Variants in CRB1 observed in about 807,000 individuals in gnomAD.
CRB1 encodes protein crumbs homolog 1.
Under a neutral mutation model 120.0 loss-of-function variants are expected in CRB1, and 83 were observed. The observed-to-expected ratio is 0.69, with a 90% confidence interval of 0.58 to 0.83. CRB1 has a LOEUF of 0.83. Ranked by LOEUF, CRB1 falls within the 40% of genes least tolerant of loss-of-function variation. The probability of loss-of-function intolerance (pLI) is 0.00; values close to 1 mark genes in which losing one functional copy is unlikely to be tolerated. For synonymous variants in CRB1, 625 were observed against 612.5 expected, an observed-to-expected ratio of 1.02 and a Z score of -0.30; for missense variants, 1,699 against 1,687.6, an observed-to-expected ratio of 1.01 and a Z score of -0.12.
chr1:197,347,448 T>G lies in CRB1; in HGVS notation c.957T>G (p.Ser319Arg). The G allele has an allele frequency of 6.2e-7, 1 of 1,614,160 alleles. No individual in the cohort carries two copies. The highest frequency in any genetic ancestry group is 8.5e-7 in the Non-Finnish European group (1 of 1,179,978). ...PCHNNATCED[S>R]VDNYTCHCWP... ...ACAATAATGCTACATGTGAGGACAGTGTTGACAATTACACTTGTCACTGCT... is the reference window on the plus strand; with the variant it reads ...ACAATAATGCTACATGTGAGGACAGGGTTGACAATTACACTTGTCACTGCT... Residue 319 changes from serine to arginine, a missense_variant, in exon 4 of 12, where the codon AGT (serine) becomes AGG (arginine). Ser to Arg is a moderately radical substitution (Grantham distance 110). Transcript: ENST00000367400.
At chr1:197,253,824 T>C in the CRB1 span, among the ~76,000 whole-genome samples, 1 of 152,098 alleles carries the variant, frequency 6.6e-6, no homozygotes, top group African/African-American at 2.4e-5. Flanking sequence ...TATCAAGGTT[T>C]TAAGGAAATA....
At chr1:197,373,667 A>AG (rs765841939) in intron 5 of CRB1, among the ~76,000 whole-genome samples, 4 of 152,214 alleles carry the variant, frequency 2.6e-5, no homozygotes, top group Non-Finnish European at 4.4e-5. Context: ...GAGGCAAAGA[A>AG]GGTAGATACA....
rs1454506368 is a variant in CRB1, at chr1:197,335,354, CT to C, written c.652+6352del. Among the ~76,000 whole-genome samples the C allele has an allele frequency of 8.5e-4, 129 of 152,236 alleles. 1 individual carries two copies. The highest frequency in any genetic ancestry group is 1.9e-4 in the Non-Finnish European group (13 of 68,026). On this transcript the variant is annotated intron_variant, in intron 2 of 11. Transcript: ENST00000367400. ...TGACTTACATTTTAACAAGGTCACT[CT>C]GCTTATTATGTTGAAGATACACTGC...
chr1:197,465,163 G>A (rs994953808), intron 11 of CRB1, among the ~76,000 whole-genome samples: 1 of 152,226 alleles, frequency 6.6e-6, no homozygotes, highest in East Asian at 1.9e-4. Flanking sequence ...TTTATAGCAG[G>A]TTATTAAATT....
intron 1 of CRB1, among the ~76,000 whole-genome samples, chr1:197,319,639 C>T (rs1658072966): frequency 6.6e-6 from 1 of 151,982 alleles, no homozygotes; most frequent in East Asian, 1.9e-4. Context: ...CAGTTTATTG[C>T]TTGTAATGTG....
chr1:197,298,961 T>G (rs1656704744), intron 1 of CRB1, among the ~76,000 whole-genome samples: 1 of 152,160 alleles, frequency 6.6e-6, no homozygotes, highest in Non-Finnish European at 1.5e-5. Flanking sequence ...AGGAATACAT[T>G]TATTTAAGAC....
intron 5 of CRB1, among the ~76,000 whole-genome samples, chr1:197,418,564 G>A (rs1237039366): frequency 6.6e-6 from 1 of 152,148 alleles, no homozygotes; most frequent in Non-Finnish European, 1.5e-5. Flanking sequence ...AAGTACAGTA[G>A]AGTCCAATCA....
At chr1:197,259,385 G>T in the CRB1 span, among the ~76,000 whole-genome samples, 1 of 152,218 alleles carries the variant, frequency 6.6e-6, no homozygotes, top group African/African-American at 2.4e-5. Context: ...GCAGGGACAT[G>T]GATAAAGCTT....
At position 197,434,794 on chromosome 1, in the gene CRB1, A is replaced by G. The variant is rs764177876; in HGVS notation, c.2931A>G (p.Thr977=). 5 of 1,613,558 alleles carry G rather than the reference A, an allele frequency of 3.1e-6. No homozygotes were observed. The Admixed American group carries it at 8.3e-5, about 27-fold the overall frequency. Residue 977 remains threonine, a synonymous_variant, in exon 9 of 12, where the codon ACA becomes ACG. Transcript: ENST00000367400. ...TTACCAGAGAACTCACCAATATCAC[A>G]TTTGGTTTCAGAACAAGGGATGCAA... ...GNITRELTNI[T]FGFRTRDANV...
chr1:197,477,951 C>T lies in CRB1; in HGVS notation c.*72C>T. 1 of 1,378,142 alleles carries T rather than the reference C, an allele frequency of 7.3e-7. No individual in the cohort carries two copies. The highest frequency in any genetic ancestry group is 1.0e-6 in the Non-Finnish European group (1 of 965,896). The allele number at this position is 1,378,142 out of a possible 1,614,324, so 85.4% of individuals were successfully genotyped here. ...ATGACTGTACTTCAGGTATCTCTGACATACCTGACAATGTTAATCTGCAAC... is the reference window on the plus strand; with the variant it reads ...ATGACTGTACTTCAGGTATCTCTGATATACCTGACAATGTTAATCTGCAAC... On this transcript the variant is annotated 3_prime_UTR_variant, in exon 12 of 12. Transcript: ENST00000367400.
intron 5 of CRB1, among the ~76,000 whole-genome samples, chr1:197,376,688 C>A (rs1661664862): frequency 6.6e-6 from 1 of 152,186 alleles, no homozygotes; most frequent in Admixed American, 6.5e-5. Context: ...ACTTCAATAG[C>A]CTAATGTTTT....
chr1:197,306,119 G>A (rs926029890), intron 1 of CRB1, among the ~76,000 whole-genome samples: 2 of 152,102 alleles, frequency 1.3e-5, no homozygotes, highest in African/African-American at 4.8e-5. Context: ...TCAGATCCAG[G>A]AAAGGAAGCA....
intron 1 of CRB1, among the ~76,000 whole-genome samples, chr1:197,301,990 C>G (rs1225990459): frequency 6.6e-6 from 1 of 151,986 alleles, no homozygotes; most frequent in Non-Finnish European, 1.5e-5. Flanking sequence ...ACTCATAAAA[C>G]AGCAATGAGG....
intron 1 of CRB1, among the ~76,000 whole-genome samples, chr1:197,307,241 G>A (rs1371160120): frequency 1.3e-5 from 2 of 152,130 alleles, no homozygotes; most frequent in Non-Finnish European, 2.9e-5. Context: ...AGCTTCAGAT[G>A]TATTTCTAAG....
chr1:197,460,689 A>AT (rs1341130194), intron 11 of CRB1, among the ~76,000 whole-genome samples: 1 of 151,858 alleles, frequency 6.6e-6, no homozygotes, highest in Non-Finnish European at 1.5e-5. Context: ...TCAAATCCTC[A>AT]TTTTTTTCTC....
chr1:197,274,309 G>A (rs1013308574), intron 1 of CRB1, among the ~76,000 whole-genome samples: 4 of 152,068 alleles, frequency 2.6e-5, no homozygotes, highest in African/African-American at 9.7e-5. Flanking sequence ...GTTTCATTTT[G>A]TTTTTAGTTT....
chr1:197,419,394 G>A (rs772886627), intron 5 of CRB1, among the ~76,000 whole-genome samples: 3 of 147,082 alleles, frequency 2.0e-5, no homozygotes, highest in Non-Finnish European at 3.0e-5. Flanking sequence ...CAAGAGTCTC[G>A]CTTTGTTGCC....
intron 1 of CRB1, among the ~76,000 whole-genome samples, chr1:197,291,225 G>T (rs1187522900): frequency 1.3e-5 from 2 of 151,744 alleles, no homozygotes; most frequent in South Asian, 2.1e-4. Context: ...TTTAAATAAA[G>T]ATGTTAATAA....
chr1:197,213,878 CA>C, the CRB1 span, among the ~76,000 whole-genome samples: 5 of 151,906 alleles, frequency 3.3e-5, no homozygotes, highest in Non-Finnish European at 5.9e-5. Context: ...CAGAATACAG[CA>C]AAAGCAGTTC....
Sources: gnomAD v4.1 joint callset for allele counts (sites outside exome capture counted in the v4.1 genomes callset) on GRCh38, gnomAD v4.1.1 for gene constraint, MANE v1.5 for transcripts, NCBI Gene and HGNC (gene_info 2026-07-23, HGNC 2026-07-21) for gene names.